The following COBL variants were observed in gnomAD, a reference collection of about 807,000 sequenced individuals.
The protein encoded by COBL is cordon-bleu WH2 repeat protein.
A neutral mutation model predicts 98.8 loss-of-function variants in COBL; 51 were observed. That is an observed-to-expected ratio of 0.52 (90% confidence interval 0.41 to 0.65). The LOEUF (loss-of-function observed/expected upper bound fraction) is 0.65. COBL is among the 30% of genes least tolerant of loss of function. The pLI, the probability that COBL is intolerant of heterozygous loss-of-function variation, is 0.00. For missense variants in COBL, 1,617 were observed against 1,617.5 expected (o/e 1.00, Z 0.01); for synonymous variants, 634 against 651.7 (o/e 0.97, Z 0.41).
At chr7:51,270,155 C>G (rs1798625091) in intron 1 of COBL, among the ~76,000 whole-genome samples, 1 of 152,182 alleles carries the variant, frequency 6.6e-6, no homozygotes, top group African/African-American at 2.4e-5. Flanking sequence ...GGACACCTGT[C>G]TGAGCACACA....
At chr7:51,245,264 G>C (rs1050335085) in intron 1 of COBL, among the ~76,000 whole-genome samples, 2 of 152,060 alleles carry the variant, frequency 1.3e-5, no homozygotes, top group Non-Finnish European at 2.9e-5. Flanking sequence ...CTTCTACCTG[G>C]AATTGCCATC....
intron 8 of COBL, among the ~76,000 whole-genome samples, chr7:51,039,812 C>A (rs758641780): frequency 1.3e-5 from 2 of 152,196 alleles, no homozygotes; most frequent in Non-Finnish European, 2.9e-5. Flanking sequence ...ACCCTGAGTG[C>A]CTGAATTGGT....
At chr7:51,169,793 A>C (rs145941099) in intron 5 of COBL, among the ~76,000 whole-genome samples, 156 of 152,338 alleles carry the variant, frequency 1.0e-3, no homozygotes, top group African/African-American at 3.6e-3. Flanking sequence ...CAGGGTGTCT[A>C]TAGTCAATAA....
intron 5 of COBL, among the ~76,000 whole-genome samples, chr7:51,147,128 G>T (rs990407886): frequency 5.3e-5 from 8 of 152,212 alleles, no homozygotes; most frequent in African/African-American, 1.9e-4. Context: ...TGGGGCAGCT[G>T]TGACCTCCAA....
intron 2 of COBL, among the ~76,000 whole-genome samples, chr7:51,210,814 C>T (rs749965467): frequency 1.3e-5 from 2 of 152,212 alleles, no homozygotes; most frequent in South Asian, 2.1e-4. Flanking sequence ...TACTTTGCAC[C>T]ACGCCCTTTA....
chr7:51,106,737 T>C (rs1390300968), intron 6 of COBL, among the ~76,000 whole-genome samples: 4 of 152,204 alleles, frequency 2.6e-5, no homozygotes, highest in Non-Finnish European at 4.4e-5. Context: ...GAAAGGCCTC[T>C]TCACAGGTGG....
chr7:51,034,728 A>G (rs1027803347), intron 8 of COBL: 2 of 152,202 alleles, frequency 1.3e-5, no homozygotes, highest in African/African-American at 4.8e-5. Context: ...AGTCAGCAAG[A>G]AACATCAGCC....
At chr7:51,092,219 C>A (rs755634569) in intron 6 of COBL, among the ~76,000 whole-genome samples, 2 of 152,224 alleles carry the variant, frequency 1.3e-5, no homozygotes, top group African/African-American at 2.4e-5. Flanking sequence ...CCGAAACCAT[C>A]CCTGCCCCAC....
At chr7:51,045,435 G>A (rs1455391696) in intron 7 of COBL, among the ~76,000 whole-genome samples, 1 of 152,140 alleles carries the variant, frequency 6.6e-6, no homozygotes, top group East Asian at 1.9e-4. Context: ...CGCAAAGAAT[G>A]ACAGTGCTGT....
chr7:51,106,075 G>A (rs1333481213), intron 6 of COBL, among the ~76,000 whole-genome samples: 1 of 150,116 alleles, frequency 6.7e-6, no homozygotes, highest in Non-Finnish European at 1.5e-5. Flanking sequence ...GTGGTGGCAC[G>A]CACCTGTAAT....
rs369572448 is a variant in COBL at position 51,145,376 on chromosome 7, CT to C, written c.784-9046del. ...TTGTGGCTCATATGTTATTCCTTTT[CT>C]TTTTTTTTTCTTTTTTTTCCGAGAT... is the stretch of plus-strand genomic sequence containing the variant. On this transcript the variant is annotated intron_variant, in intron 5 of 12. Coordinates refer to ENST00000265136, the MANE Select transcript of COBL (RefSeq NM_015198.5). Among the ~76,000 whole-genome samples, 7 of 137,592 alleles carry C rather than the reference CT, an allele frequency of 5.1e-5. 1 individual carries two copies. The highest frequency in any genetic ancestry group is 3.0e-4 in the Admixed American group (4 of 13,426). The allele number at this position is 137,592 out of a possible 152,430, so 90.3% of individuals were successfully genotyped here.
At chr7:51,307,774 A>T (rs970333515) in intron 1 of COBL, among the ~76,000 whole-genome samples, 3 of 152,220 alleles carry the variant, frequency 2.0e-5, no homozygotes, top group African/African-American at 7.2e-5. Flanking sequence ...CGTTGAAACC[A>T]ATCAAATATT....
chr7:51,027,657 A>G lies in COBL; in HGVS notation c.3384+55T>C, dbSNP rs987835163. 3 of 1,381,640 alleles carry G rather than the reference A, an allele frequency of 2.2e-6. No individual in the cohort carries two copies. The African/African-American group carries it at 4.3e-5, about 20-fold the overall frequency. 85.6% of individuals were successfully genotyped at this position (1,381,640 alleles called of 1,614,324 possible). A position where few individuals can be genotyped will look rare whatever the true frequency, so the allele number is the denominator to read the frequency against. ...CGCTTTATTCTGAGACTCTGAGACC[A>G]GTGCACTGAAGTGGGCAGGTGTGGA... On this transcript the variant is annotated intron_variant, in intron 10 of 12. Transcript: ENST00000265136.
intron 7 of COBL, among the ~76,000 whole-genome samples, chr7:51,044,874 A>T (rs2189433): frequency 0.9 from 136,767 of 152,246 alleles, 61,650 homozygotes; most frequent in Middle Eastern, 0.95. Flanking sequence ...AGGTGATGGT[A>T]TATTTGAGAT....
intron 1 of COBL, among the ~76,000 whole-genome samples, chr7:51,248,215 A>G (rs1796428409): frequency 6.6e-6 from 1 of 152,210 alleles, no homozygotes. Flanking sequence ...TTTTCCTCCT[A>G]CTGTGCATCC....
At chr7:51,277,591 T>C (rs1038745054) in intron 1 of COBL, among the ~76,000 whole-genome samples, 7 of 151,854 alleles carry the variant, frequency 4.6e-5, no homozygotes, top group Non-Finnish European at 1.0e-4. Context: ...GGCTAATTCA[T>C]GGTGTGTATA....
Position 51,235,575 on chromosome 7 carries a change from A to C in COBL, c.42-15631T>G, listed in dbSNP as rs529787887. Among the ~76,000 whole-genome samples the C allele has an allele frequency of 2.0e-5, 3 of 152,314 alleles. No homozygotes were observed. In the South Asian group the frequency reaches 6.2e-4, roughly 32 times the overall value. ...TTCCAGAGAGCAATTATATCACCTC[A>C]GCCTAAAGCCAAGCACCGGAAACAG... On this transcript the variant is annotated intron_variant, in intron 1 of 12. Coordinates refer to ENST00000265136, the MANE Select transcript of COBL (RefSeq NM_015198.5).
At chr7:51,209,473 G>A (rs2129075158) in intron 2 of COBL, among the ~76,000 whole-genome samples, 1 of 152,286 alleles carries the variant, frequency 6.6e-6, no homozygotes, top group South Asian at 2.1e-4. Context: ...TAACTACCAT[G>A]AGTTCTGATT....
At chr7:51,238,680 C>G (rs1001553638) in intron 1 of COBL, among the ~76,000 whole-genome samples, 1 of 152,154 alleles carries the variant, frequency 6.6e-6, no homozygotes, top group Non-Finnish European at 1.5e-5. Context: ...TTACTCAAGG[C>G]TTCAGTGCAG....
Sources: allele counts gnomAD v4.1 joint callset (sites outside exome capture counted in the v4.1 genomes callset), GRCh38; gene constraint gnomAD v4.1.1; transcripts MANE v1.5; gene names NCBI Gene and HGNC (gene_info 2026-07-23, HGNC 2026-07-21).